The following DPP10 variants were observed in gnomAD, a reference collection of about 807,000 sequenced individuals.
DPP10 encodes the protein inactive dipeptidyl peptidase 10.
A neutral mutation model predicts 120.9 loss-of-function variants in DPP10; 33 were observed. The ratio of observed to expected loss-of-function variants is 0.27; its 90% CI spans 0.21 to 0.37. The LOEUF is 0.37. DPP10 is among the 10% of genes least tolerant of loss of function. The pLI is 1.00. For synonymous variants in DPP10, 337 were observed against 326.1 expected (o/e 1.03, Z -0.36); for missense variants, 816 against 942.8 (o/e 0.87, Z 1.76).
intron 1 of DPP10, among the ~76,000 whole-genome samples, chr2:115,151,210 T>G (rs895408319): frequency 6.6e-6 from 1 of 152,142 alleles, no homozygotes; most frequent in Non-Finnish European, 1.5e-5. Context: ...GATAAAGTGT[T>G]ACTGTTGGAA....
intron 1 of DPP10, among the ~76,000 whole-genome samples, chr2:114,604,838 T>G (rs1171522868): frequency 1.3e-5 from 2 of 152,090 alleles, no homozygotes; most frequent in East Asian, 3.9e-4. Context: ...TTCTTTAATC[T>G]TTGTTTTGTT....
chr2:115,186,698 C>A (rs910907422), intron 1 of DPP10, among the ~76,000 whole-genome samples: 1 of 152,144 alleles, frequency 6.6e-6, no homozygotes, highest in Non-Finnish European at 1.5e-5. Context: ...ATGTGACTAT[C>A]ATATACAGTT....
intron 1 of DPP10, among the ~76,000 whole-genome samples, chr2:114,837,042 T>C (rs906806062): frequency 6.6e-6 from 1 of 152,136 alleles, no homozygotes; most frequent in African/African-American, 2.4e-5. Flanking sequence ...ACACACATGC[T>C]CTAAAATTTG....
intron 1 of DPP10, among the ~76,000 whole-genome samples, chr2:114,716,837 G>C (rs1357142412): frequency 6.6e-6 from 1 of 152,182 alleles, no homozygotes; most frequent in East Asian, 1.9e-4. Context: ...TCCACTATTT[G>C]AGGAAGGGTA....
chr2:115,791,661 T>C (rs1684004600), intron 19 of DPP10, among the ~76,000 whole-genome samples: 1 of 152,210 alleles, frequency 6.6e-6, no homozygotes, highest in Non-Finnish European at 1.5e-5. Context: ...CTTTATCAGT[T>C]GTTTATGCAA....
chr2:114,780,367 T>C (rs1199216797), intron 1 of DPP10, among the ~76,000 whole-genome samples: 1 of 152,164 alleles, frequency 6.6e-6, no homozygotes, highest in African/African-American at 2.4e-5. Context: ...GTGTGATCTT[T>C]ATATTCTTTG....
chr2:115,384,616 G>T (rs2066749224), intron 3 of DPP10, among the ~76,000 whole-genome samples: 1 of 139,670 alleles, frequency 7.2e-6, no homozygotes, highest in South Asian at 2.2e-4. Flanking sequence ...AAGAAGTGAA[G>T]GAAGAAGAAG....
At chr2:114,559,500 T>C (rs1050146181) in intron 1 of DPP10, among the ~76,000 whole-genome samples, 1 of 152,206 alleles carries the variant, frequency 6.6e-6, no homozygotes, top group Non-Finnish European at 1.5e-5. Flanking sequence ...GAGCTGTAGA[T>C]AATACATTTG....
At chr2:114,586,611 A>G (rs1691000388) in intron 1 of DPP10, among the ~76,000 whole-genome samples, 1 of 152,214 alleles carries the variant, frequency 6.6e-6, no homozygotes, top group African/African-American at 2.4e-5. Context: ...AAAGTTACCA[A>G]GCCATTGCTA....
chr2:114,457,739 C>G (rs1370150700), intron 1 of DPP10, among the ~76,000 whole-genome samples: 1 of 152,128 alleles, frequency 6.6e-6, no homozygotes, highest in Non-Finnish European at 1.5e-5. Context: ...TTATTTTATG[C>G]TTTGCAAAGC....
intron 1 of DPP10, among the ~76,000 whole-genome samples, chr2:114,651,447 G>T (rs1406180734): frequency 2.0e-5 from 3 of 152,048 alleles, no homozygotes; most frequent in Middle Eastern, 3.2e-3. Flanking sequence ...GCTAAAACAC[G>T]ATTGTTGCAA....
chr2:115,326,370 C>G (rs1574430829), intron 2 of DPP10, among the ~76,000 whole-genome samples: 1 of 151,882 alleles, frequency 6.6e-6, no homozygotes, highest in Non-Finnish European at 1.5e-5. Context: ...GTTGCCTGTC[C>G]TGTAAAATTA....
chr2:115,427,461 G>A (rs557037003), intron 3 of DPP10, among the ~76,000 whole-genome samples: 51 of 152,194 alleles, frequency 3.4e-4, no homozygotes, highest in Non-Finnish European at 6.9e-4. Flanking sequence ...TTAACACTAC[G>A]TGGAAACCAC....
chr2:114,717,546 C>G (rs1192388307), intron 1 of DPP10, among the ~76,000 whole-genome samples: 1 of 152,084 alleles, frequency 6.6e-6, no homozygotes, highest in East Asian at 1.9e-4. Flanking sequence ...TTAGGAGACT[C>G]AAAAACAGAT....
In DPP10 at chr2:114,874,076, G is replaced by C. The variant is rs151009660; in HGVS notation, c.60+431238G>C. Among the ~76,000 whole-genome samples the C allele has an allele frequency of 3.9e-5, 6 of 152,244 alleles. No homozygotes were observed. In the East Asian group the frequency reaches 1.2e-3, roughly 29 times the overall value. ...CAACAAGTGAACATCAGGATTTCTG[G>C]CATGTTTGAAACATTAGCAGAGATT... On this transcript the variant is annotated intron_variant, in intron 1 of 25. Transcript: ENST00000410059.
At chr2:115,644,363 C>T (rs2087049530) in intron 5 of DPP10, among the ~76,000 whole-genome samples, 1 of 152,082 alleles carries the variant, frequency 6.6e-6, no homozygotes, top group Non-Finnish European at 1.5e-5. Flanking sequence ...CTTCTTGTGT[C>T]CAAGTGTTCT....
intron 5 of DPP10, among the ~76,000 whole-genome samples, chr2:115,598,131 G>C (rs183062143): frequency 7.9e-5 from 12 of 151,710 alleles, no homozygotes; most frequent in African/African-American, 2.7e-4. Flanking sequence ...CAATTTCTCT[G>C]TGTCTTTGTA....
At chr2:115,630,960 A>G (rs12478001) in intron 5 of DPP10, among the ~76,000 whole-genome samples, 63,119 of 151,584 alleles carry the variant, frequency 0.42, 16,151 homozygotes, top group Non-Finnish European at 0.58. Context: ...ATTGTTTGCA[A>G]TAGTTTCAGA....
intron 5 of DPP10, among the ~76,000 whole-genome samples, chr2:115,542,268 C>T (rs1287697648): frequency 6.6e-6 from 1 of 151,880 alleles, no homozygotes; most frequent in African/African-American, 2.4e-5. Flanking sequence ...TTTCTGGCAA[C>T]CCGTTTTCCA....
Sources: gnomAD v4.1 joint callset for allele counts (sites outside exome capture counted in the v4.1 genomes callset) on GRCh38, gnomAD v4.1.1 for gene constraint, MANE v1.5 for transcripts, NCBI Gene and HGNC (gene_info 2026-07-23, HGNC 2026-07-21) for gene names.